The following EFCAB5 variants were observed in gnomAD, a reference collection of about 807,000 sequenced individuals.
EFCAB5 encodes EF-hand calcium binding domain 5, also known as EF-hand calcium-binding domain-containing protein 5.
In EFCAB5, 131 loss-of-function variants were observed where a neutral mutation model predicts 167.9. The ratio of observed to expected loss-of-function variants is 0.78; its 90% confidence interval spans 0.68 to 0.90. The LOEUF is 0.90. EFCAB5 is among the 40% of genes least tolerant of loss of function. The pLI is 0.00. For missense variants in EFCAB5, 1,663 were observed against 1,745.2 expected, an observed-to-expected ratio of 0.95 and a Z score of 0.84; for synonymous variants, 574 against 602.8, an observed-to-expected ratio of 0.95 and a Z score of 0.70.
chr17:30,006,319 T>C (rs1370394854), intron 7 of EFCAB5, among the ~76,000 whole-genome samples: 1 of 152,190 alleles, frequency 6.6e-6, no homozygotes, highest in Non-Finnish European at 1.5e-5. Flanking sequence ...GCAAACAAAT[T>C]TGTAGATTTT....
At chr17:30,104,874 A>C (rs1006909881) in intron 22 of EFCAB5, among the ~76,000 whole-genome samples, 1 of 152,188 alleles carries the variant, frequency 6.6e-6, no homozygotes, top group African/African-American at 2.4e-5. Context: ...CTTGTGAAAG[A>C]CAGCGACCTC....
At chr17:30,060,991 G>A (rs1323834422) in intron 14 of EFCAB5, among the ~76,000 whole-genome samples, 1 of 152,142 alleles carries the variant, frequency 6.6e-6, no homozygotes, top group Non-Finnish European at 1.5e-5. Flanking sequence ...AGGAACCTAA[G>A]GGTAATGTTA....
At chr17:30,051,566 A>G (rs988116780) in intron 9 of EFCAB5, among the ~76,000 whole-genome samples, 35 of 152,268 alleles carry the variant, frequency 2.3e-4, no homozygotes, top group South Asian at 4.2e-4. Context: ...TTTTATTAAC[A>G]AAAAAATTTT....
At chr17:30,092,764 T>C (rs903362556) in intron 21 of EFCAB5, 76 bp from the exon 22 acceptor site, 13 of 941,864 alleles carry the variant, frequency 1.4e-5, no homozygotes, top group Admixed American at 2.3e-5. Context: ...AATGGAATTA[T>C]GTAAGCTGTT....
At chr17:29,967,275 T>C (rs1392896132) in intron 3 of EFCAB5, among the ~76,000 whole-genome samples, 1 of 152,244 alleles carries the variant, frequency 6.6e-6, no homozygotes, top group East Asian at 1.9e-4. Flanking sequence ...TTCTATAGTC[T>C]GATGCCAGTG....
chr17:30,015,795 GCT>G (rs987495658), intron 7 of EFCAB5, among the ~76,000 whole-genome samples: 2 of 139,634 alleles, frequency 1.4e-5, no homozygotes, highest in Admixed American at 1.6e-4. Context: ...GTGGAGTCTC[GCT>G]CTGTTGCCCA....
chr17:30,064,129 C>T lies in EFCAB5; in HGVS notation c.2737+4428C>T, dbSNP rs536873568. Among the ~76,000 whole-genome samples the T allele has an allele frequency of 3.9e-4, 60 of 152,196 alleles. 1 individual carries two copies. Among genetic ancestry groups the T allele is most frequent in the African/African-American group, 1.4e-3 (59 of 41,524 alleles). On this transcript the variant is annotated intron_variant, in intron 14 of 22. Transcript: ENST00000394835. Reference sequence around the variant, plus strand: ...AACATGATAAAGCAAGGAAATATGGCACTACCAAAGGAATATAACTCTCTA... The same window carrying T: ...AACATGATAAAGCAAGGAAATATGGTACTACCAAAGGAATATAACTCTCTA...
chr17:29,974,856 A>G (rs1349383773), intron 4 of EFCAB5, among the ~76,000 whole-genome samples: 1 of 152,052 alleles, frequency 6.6e-6, no homozygotes, highest in African/African-American at 2.4e-5. Context: ...ATTTCATATA[A>G]TCTTCACATG....
chr17:30,101,926 C>T (rs1312347009), intron 22 of EFCAB5, among the ~76,000 whole-genome samples: 1 of 152,170 alleles, frequency 6.6e-6, no homozygotes, highest in Non-Finnish European at 1.5e-5. Context: ...TCTATGTTTA[C>T]CTTGGAACAG....
At chr17:29,933,302 C>T (rs1325798044) in intron 1 of EFCAB5, among the ~76,000 whole-genome samples, 1 of 152,236 alleles carries the variant, frequency 6.6e-6, no homozygotes, top group Non-Finnish European at 1.5e-5. Context: ...TATTGGCTTT[C>T]AGGCTTTGTC....
intron 14 of EFCAB5, among the ~76,000 whole-genome samples, chr17:30,072,053 T>C (rs538134043): frequency 7.1e-4 from 108 of 152,272 alleles, no homozygotes; most frequent in African/African-American, 2.5e-3. Flanking sequence ...TACATCTAGA[T>C]ATGAGGCGTA....
intron 7 of EFCAB5, among the ~76,000 whole-genome samples, chr17:30,023,782 A>G (rs1475015244): frequency 6.6e-6 from 1 of 152,228 alleles, no homozygotes; most frequent in Non-Finnish European, 1.5e-5. Context: ...AAAATCCTGA[A>G]TAAAATACTG....
At chr17:29,996,383 T>C in intron 6 of EFCAB5, 23 bp downstream of exon 6, 3 of 1,507,344 alleles carry the variant, frequency 2.0e-6, no homozygotes, top group Non-Finnish European at 2.7e-6. Flanking sequence ...ATTACTCTGA[T>C]ATTTTTATTT....
At chr17:30,062,558 G>A (rs7213462) in intron 14 of EFCAB5, among the ~76,000 whole-genome samples, 39,925 of 152,158 alleles carry the variant, frequency 0.26, 6,564 homozygotes, top group Non-Finnish European at 0.36. Context: ...CAGAAAAGAC[G>A]CTGACATAGT....
At position 30,082,628 on chromosome 17, in the gene EFCAB5, T is replaced by C. The variant is rs552232575; in HGVS notation, c.3427-263T>C. ...CTGGTCTCAGACTCCTGACCTCAAGTGATCCGCCCTGCCTTGGCCTCCCAA... is the reference window on the plus strand; with the variant it reads ...CTGGTCTCAGACTCCTGACCTCAAGCGATCCGCCCTGCCTTGGCCTCCCAA... On this transcript the variant is annotated intron_variant, in intron 17 of 22. Coordinates refer to ENST00000394835, the MANE Select transcript of EFCAB5 (RefSeq NM_198529.4). 1.2e-3 allele frequency among the ~76,000 whole-genome samples: 190 copies of C among 152,198 alleles called. 1 individual carries two copies. The highest frequency in any genetic ancestry group is 2.5e-3 in the Non-Finnish European group (168 of 68,004).
At chr17:30,050,912 T>C (rs1172088007) in intron 8 of EFCAB5, among the ~76,000 whole-genome samples, 3 of 152,192 alleles carry the variant, frequency 2.0e-5, no homozygotes, top group Non-Finnish European at 2.9e-5. Context: ...GTAGAGGTCA[T>C]TTTGACACGT....
rs146878477 is a variant in EFCAB5 at position 29,992,129 on chromosome 17, C to T, written c.768-1036C>T. Among the ~76,000 whole-genome samples the T allele has an allele frequency of 7.9e-5, 12 of 152,236 alleles. No homozygotes were observed. In the East Asian group the frequency reaches 2.1e-3, roughly 27 times the overall value. On this transcript the variant is annotated intron_variant, in intron 4 of 22. Coordinates refer to ENST00000394835, the MANE Select transcript of EFCAB5 (RefSeq NM_198529.4). ...ATTTTATACCCTTTGACAATCATAT[C>T]TCCATTTCCCCCATTCCCAGCCTCT...
intron 8 of EFCAB5, among the ~76,000 whole-genome samples, chr17:30,042,880 A>AGGATG (rs2069812732): frequency 2.6e-5 from 4 of 152,226 alleles, no homozygotes; most frequent in African/African-American, 9.6e-5. Flanking sequence ...ACATAGACCC[A>AGGATG]AAAATCTTTA....
At chr17:30,066,300 G>A (rs933373542) in intron 14 of EFCAB5, among the ~76,000 whole-genome samples, 11 of 152,042 alleles carry the variant, frequency 7.2e-5, no homozygotes, top group East Asian at 1.9e-4. Flanking sequence ...AGTAACAAGA[G>A]GAACTTTAGA....
Sources: gnomAD v4.1 joint callset for allele counts (sites outside exome capture counted in the v4.1 genomes callset) on GRCh38, gnomAD v4.1.1 for gene constraint, MANE v1.5 for transcripts, NCBI Gene and HGNC (gene_info 2026-07-23, HGNC 2026-07-21) for gene names.